The following AGAP1 variants were observed in gnomAD, a reference collection of about 807,000 sequenced individuals.
AGAP1 encodes ArfGAP with GTPase domain, ankyrin repeat and PH domain 1, also known as arf-GAP with GTPase, ANK repeat and PH domain-containing protein 1.
In AGAP1, 29 loss-of-function variants were observed where a neutral mutation model predicts 105.3. The observed-to-expected ratio is 0.28, with a 90% confidence interval of 0.21 to 0.38. AGAP1 has a LOEUF of 0.38. AGAP1 is among the 10% of genes least tolerant of loss of function. The probability of loss-of-function intolerance (pLI) is 1.00; values close to 1 mark genes in which losing one functional copy is unlikely to be tolerated. For missense variants in AGAP1, 998 were observed against 1,165.1 expected (o/e 0.86, Z 2.09); for synonymous variants, 509 against 485.9 (o/e 1.05, Z -0.63).
Position 235,870,629 on chromosome 2 carries a change from A to G in AGAP1, c.1051-12716A>G, listed in dbSNP as rs1575658679. ...CAACAAGAGTGAAACTCCATCTGGA[A>G]AAAAAAAAAAATGATGGAGAGGGAC... On this transcript the variant is annotated intron_variant, in intron 9 of 17. Coordinates refer to ENST00000304032, the MANE Select transcript of AGAP1 (RefSeq NM_001037131.3). 2.7e-5 allele frequency among the ~76,000 whole-genome samples: 4 copies of G among 147,658 alleles called. No homozygotes were observed. The South Asian group carries it at 8.5e-4, about 32-fold the overall frequency.
rs4435401 is a variant in AGAP1, at chr2:235,904,010, G to C, written c.1156-4728G>C. 0.76 allele frequency among the ~76,000 whole-genome samples: 115,594 copies of C among 152,016 alleles called. 44,170 individuals are homozygous for C. Among genetic ancestry groups the C allele is most frequent in the East Asian group, 0.98 (5,052 of 5,152 alleles). On this transcript the variant is annotated intron_variant, in intron 10 of 17. Coordinates refer to ENST00000304032, the MANE Select transcript of AGAP1 (RefSeq NM_001037131.3). This position sits in a 1 kb window ranked among gnomAD's most constrained non-coding sequence, Gnocchi z 4.2. Reference sequence around the variant, plus strand: ...CGTTAAGCTGTGCTGCTGTCAGCAAGCTGAAAGCTATGGGTCTCTGACACG... The same window carrying C: ...CGTTAAGCTGTGCTGCTGTCAGCAACCTGAAAGCTATGGGTCTCTGACACG...
chr2:236,028,636 A>G (rs912021299), intron 13 of AGAP1, among the ~76,000 whole-genome samples: 4 of 152,148 alleles, frequency 2.6e-5, no homozygotes, highest in Non-Finnish European at 4.4e-5. Flanking sequence ...GGGGTTTTCT[A>G]TGAAGACAGT....
At chr2:236,066,987 G>A (rs1471158650) in intron 16 of AGAP1, among the ~76,000 whole-genome samples, 2 of 151,682 alleles carry the variant, frequency 1.3e-5, no homozygotes, top group African/African-American at 4.8e-5. Context: ...TTTTCCCCAT[G>A]TAAGGGAATA....
chr2:235,602,537 G>T (rs945041392), intron 1 of AGAP1, among the ~76,000 whole-genome samples: 1 of 152,154 alleles, frequency 6.6e-6, no homozygotes, highest in South Asian at 2.1e-4. Flanking sequence ...TGCATTAGCC[G>T]TGCCCTCTGC....
rs548333867 is a variant in AGAP1 at position 235,888,993 on chromosome 2, C to A, written c.1155+5544C>A. Among the ~76,000 whole-genome samples the A allele has an allele frequency of 4.5e-4, 68 of 152,280 alleles. No individual in the cohort carries two copies. The highest frequency in any genetic ancestry group is 3.4e-3 in the Middle Eastern group (1 of 294). ...TCATTAGATGCCCTTAGGAAAAGAT[C>A]TCCCTGAAGAGGTCATTTCTGTTCC... On this transcript the variant is annotated intron_variant, in intron 10 of 17. Coordinates refer to ENST00000304032, the MANE Select transcript of AGAP1 (RefSeq NM_001037131.3). This position sits in a 1 kb window ranked among gnomAD's most constrained non-coding sequence, Gnocchi z 4.8.
chr2:235,949,737 C>G (rs181611751), intron 12 of AGAP1, among the ~76,000 whole-genome samples: 1 of 152,146 alleles, frequency 6.6e-6, no homozygotes, highest in East Asian at 1.9e-4. Context: ...TGAGTTGGTC[C>G]AGCTGCATAA....
chr2:236,029,531 C>T (rs2057161624), intron 13 of AGAP1, among the ~76,000 whole-genome samples: 1 of 151,940 alleles, frequency 6.6e-6, no homozygotes, highest in Non-Finnish European at 1.5e-5. Flanking sequence ...GATGATCCAC[C>T]TGCCTCGGCC....
intron 1 of AGAP1, among the ~76,000 whole-genome samples, chr2:235,505,077 C>T (rs1941738068): frequency 2.0e-5 from 3 of 152,174 alleles, no homozygotes; most frequent in Admixed American, 1.3e-4. Context: ...CTCAATCCAT[C>T]CCTGTGCTGG....
At chr2:235,573,931 G>A (rs551887464) in intron 1 of AGAP1, among the ~76,000 whole-genome samples, 21 of 152,338 alleles carry the variant, frequency 1.4e-4, no homozygotes, top group South Asian at 2.1e-4. Flanking sequence ...GCCTCCCAGC[G>A]GGTTGGCATT....
intron 6 of AGAP1, among the ~76,000 whole-genome samples, chr2:235,778,710 G>A (rs1030444250): frequency 6.6e-6 from 1 of 152,350 alleles, no homozygotes; most frequent in Middle Eastern, 3.4e-3. Flanking sequence ...GCTTGGAGCA[G>A]GGCCCCACAC....
In AGAP1 at chr2:236,000,930, G is replaced by A. The variant is rs2056093006; in HGVS notation, c.1645+32307G>A. Among the ~76,000 whole-genome samples the A allele has an allele frequency of 6.6e-6, 1 of 152,208 alleles. No individual in the cohort carries two copies. The highest frequency in any genetic ancestry group is 2.4e-5 in the African/African-American group (1 of 41,456). ...GGAGGCAGATGCCGCGTGGCGTGAG[G>A]AGGGTGAGAGTCCATGCCATAAAGG... On this transcript the variant is annotated intron_variant, in intron 13 of 17. Coordinates refer to ENST00000304032, the MANE Select transcript of AGAP1 (RefSeq NM_001037131.3). This position sits in a 1 kb window ranked among gnomAD's most constrained non-coding sequence, Gnocchi z 4.3.
In AGAP1 at chr2:235,970,563, C is replaced by A. The variant is rs1416599097; in HGVS notation, c.1645+1940C>A. Among the ~76,000 whole-genome samples the A allele has an allele frequency of 6.6e-6, 1 of 152,218 alleles. No individual in the cohort carries two copies. Among genetic ancestry groups the A allele is most frequent in the Non-Finnish European group, 1.5e-5 (1 of 68,038 alleles). ...CAGGCCTTGTTCTCACTTTCACAGG[C>A]ACGCGTCTTCTTGCATTTGTTGTGT... On this transcript the variant is annotated intron_variant, in intron 13 of 17. Transcript: ENST00000304032. This position sits in a 1 kb window ranked among gnomAD's most constrained non-coding sequence, Gnocchi z 5.4.
intron 6 of AGAP1, among the ~76,000 whole-genome samples, chr2:235,772,103 T>C (rs970963154): frequency 2.6e-5 from 4 of 151,690 alleles, no homozygotes; most frequent in Non-Finnish European, 4.4e-5. Flanking sequence ...CAAGTGATTC[T>C]CTTGCCTCAG....
chr2:235,917,294 G>A (rs1559644165), intron 11 of AGAP1, among the ~76,000 whole-genome samples: 3 of 152,114 alleles, frequency 2.0e-5, no homozygotes, highest in South Asian at 2.1e-4. Flanking sequence ...TTGAACTGCC[G>A]TTGACATCTA....
rs953929335 is a variant in AGAP1 at position 236,058,861 on chromosome 2, A to G, written c.2114+9580A>G. Among the ~76,000 whole-genome samples the G allele has an allele frequency of 2.0e-5, 3 of 152,220 alleles. No homozygotes were observed. Among genetic ancestry groups the G allele is most frequent in the Non-Finnish European group, 4.4e-5 (3 of 68,040 alleles). On this transcript the variant is annotated intron_variant, in intron 16 of 17. Transcript: ENST00000304032. The surrounding 1 kb of genome is among the most constrained non-coding windows in gnomAD (Gnocchi z 4.6). ...CATGTTAAGCAAAATTGAAGGATAC[A>G]AGATCAATGTGCAAAACTCTTAGCT...
At chr2:235,499,920 CT>C (rs1217519140) in intron 1 of AGAP1, among the ~76,000 whole-genome samples, 1 of 152,150 alleles carries the variant, frequency 6.6e-6, no homozygotes, top group Non-Finnish European at 1.5e-5. Flanking sequence ...CCAGAGGGTC[CT>C]TTCCAAAGCT....
intron 1 of AGAP1, among the ~76,000 whole-genome samples, chr2:235,583,532 A>T (rs1945003529): frequency 6.7e-6 from 1 of 149,378 alleles, no homozygotes; most frequent in Non-Finnish European, 1.5e-5. Flanking sequence ...GACCACAAGC[A>T]TGCACCACCA....
chr2:235,594,814 T>A (rs923153078), intron 1 of AGAP1, among the ~76,000 whole-genome samples: 5 of 151,026 alleles, frequency 3.3e-5, no homozygotes, highest in Admixed American at 3.3e-4. Flanking sequence ...CCTCAAGTGA[T>A]CCACCTGCCT....
In AGAP1 at chr2:235,690,281, C is replaced by G. The variant is rs1949676822; in HGVS notation, c.164-18898C>G. ...GCTAAAAGGGACTCTGACCCTCCCT[C>G]CGCACCCCACCCTTTAAAGGTGAAA... is the stretch of plus-strand genomic sequence containing the variant. On this transcript the variant is annotated intron_variant, in intron 1 of 17. Coordinates refer to ENST00000304032, the MANE Select transcript of AGAP1 (RefSeq NM_001037131.3). This position sits in a 1 kb window ranked among gnomAD's most constrained non-coding sequence, Gnocchi z 4.1. Among the ~76,000 whole-genome samples, 2 of 152,098 alleles carry G rather than the reference C, an allele frequency of 1.3e-5. No homozygotes were observed. Among genetic ancestry groups the G allele is most frequent in the African/African-American group, 4.8e-5 (2 of 41,426 alleles).
Sources: allele counts gnomAD v4.1 joint callset (sites outside exome capture counted in the v4.1 genomes callset), GRCh38; gene constraint gnomAD v4.1.1; non-coding constraint Gnocchi (gnomAD v3.1); transcripts MANE v1.5; gene names NCBI Gene and HGNC (gene_info 2026-07-23, HGNC 2026-07-21).